The following UTRN variants were observed in gnomAD, a reference collection of about 807,000 sequenced individuals.
UTRN encodes the protein dystrophin-related protein 1.
Under a neutral mutation model 463.9 loss-of-function variants are expected in UTRN, and 283 were observed. The ratio of observed to expected loss-of-function variants is 0.61; its 90% CI spans 0.55 to 0.67. UTRN has a LOEUF of 0.67. Ranked by LOEUF, UTRN falls within the 30% of genes least tolerant of loss-of-function variation. UTRN has a pLI of 0.00. For synonymous variants in UTRN, 1,442 were observed against 1,431.5 expected, an observed-to-expected ratio of 1.01 and a Z score of -0.17; for missense variants, 3,922 against 4,084.3, an observed-to-expected ratio of 0.96 and a Z score of 1.08.
At chr6:144,674,803 C>T (rs1204660031) in intron 51 of UTRN, among the ~76,000 whole-genome samples, 1 of 152,218 alleles carries the variant, frequency 6.6e-6, no homozygotes, top group Non-Finnish European at 1.5e-5. Context: ...AAGTGACCCT[C>T]CTGCCTTGGC....
rs560581181 is a variant in UTRN at position 144,347,837 on chromosome 6, G to GTTTTTTTTTTT, written c.80-55284_80-55274dup. Among the ~76,000 whole-genome samples, 206 of 128,864 alleles carry GTTTTTTTTTTT rather than the reference G, an allele frequency of 1.6e-3. 26 individuals are homozygous for GTTTTTTTTTTT. The highest frequency in any genetic ancestry group is 6.4e-3 in the African/African-American group (187 of 29,436). The allele number at this position is 128,864 out of a possible 152,430, so 84.5% of individuals were successfully genotyped here. A position where few individuals can be genotyped will look rare whatever the true frequency, so the allele number is the denominator to read the frequency against. The stretch of plus-strand genomic sequence containing the variant: ...TCTCCTGAACTGTGGCTTATTCTTT[G>GTTTTTTTTTTT]TTTTTTTTTTTTGTTTTTTTTTTTG... On this transcript the variant is annotated intron_variant, in intron 2 of 74. Transcript: ENST00000367545.
chr6:144,819,608 G>A (rs925089599), intron 65 of UTRN, among the ~76,000 whole-genome samples: 10 of 152,170 alleles, frequency 6.6e-5, no homozygotes, highest in African/African-American at 1.7e-4. Context: ...CACGAGAATC[G>A]GCTGAACTTG....
chr6:144,321,592 C>T (rs1775653621), intron 2 of UTRN, among the ~76,000 whole-genome samples: 1 of 151,206 alleles, frequency 6.6e-6, no homozygotes, highest in Non-Finnish European at 1.5e-5. Flanking sequence ...GCCTCAGCCT[C>T]CTGAGTAGCT....
chr6:144,727,555 G>C lies in UTRN; in HGVS notation c.7810-2802G>C, dbSNP rs530809629. Among the ~76,000 whole-genome samples the C allele has an allele frequency of 3.9e-5, 6 of 151,912 alleles. No homozygotes were observed. In the South Asian group the frequency reaches 1.0e-3, roughly 26 times the overall value. On this transcript the variant is annotated intron_variant, in intron 53 of 74. Transcript: ENST00000367545. ...GGGCGGATCACAAGGTCAGGAGATC[G>C]AGACCATCCTGGCTAACACAGTGAA... is the stretch of plus-strand genomic sequence containing the variant.
chr6:144,816,135 A>G (rs567086046), intron 65 of UTRN, among the ~76,000 whole-genome samples: 1 of 152,326 alleles, frequency 6.6e-6, no homozygotes, highest in African/African-American at 2.4e-5. Context: ...GCTGTACCAA[A>G]AATAGACATT....
intron 61 of UTRN, among the ~76,000 whole-genome samples, chr6:144,782,610 G>A (rs1775934865): frequency 6.9e-6 from 1 of 144,044 alleles, no homozygotes; most frequent in African/African-American, 2.6e-5. Flanking sequence ...TATTTGCATA[G>A]TGGTTATGTG....
At chr6:144,813,163 ATTTT>A (rs1778772285) in intron 65 of UTRN, among the ~76,000 whole-genome samples, 1 of 148,254 alleles carries the variant, frequency 6.7e-6, no homozygotes, top group Non-Finnish European at 1.5e-5. Flanking sequence ...TTGTTGTTTT[ATTTT>A]TTTATTTTTA....
At chr6:144,835,463 T>C (rs1164520328) in intron 69 of UTRN, among the ~76,000 whole-genome samples, 1 of 152,220 alleles carries the variant, frequency 6.6e-6, no homozygotes, top group East Asian at 1.9e-4. Context: ...GAGTAATTGA[T>C]TTTGTCTACA....
intron 25 of UTRN, among the ~76,000 whole-genome samples, chr6:144,478,919 A>G (rs546065192): frequency 3.9e-5 from 6 of 152,298 alleles, no homozygotes; most frequent in South Asian, 2.1e-4. Flanking sequence ...TCAGACAACT[A>G]TCTATTTTTT....
At chr6:144,565,662 T>C (rs1376875650) in intron 50 of UTRN, among the ~76,000 whole-genome samples, 2 of 152,140 alleles carry the variant, frequency 1.3e-5, no homozygotes, top group East Asian at 1.9e-4. Context: ...GAAAGAATGA[T>C]CTACTGGATT....
intron 2 of UTRN, among the ~76,000 whole-genome samples, chr6:144,401,415 T>C (rs540626273): frequency 4.6e-5 from 7 of 152,302 alleles, no homozygotes; most frequent in African/African-American, 1.4e-4. Context: ...CTCTTTGATA[T>C]GAAGATGGTA....
intron 54 of UTRN, among the ~76,000 whole-genome samples, chr6:144,732,233 TATATAC>T (rs1367177401): frequency 1.7e-4 from 5 of 29,938 alleles, no homozygotes; most frequent in Admixed American, 1.3e-3. Flanking sequence ...TATATATATA[TATATAC>T]ATATATATAT....
chr6:144,494,662 T>TA (rs1164338513), intron 33 of UTRN, among the ~76,000 whole-genome samples: 2 of 152,154 alleles, frequency 1.3e-5, no homozygotes, highest in African/African-American at 4.8e-5. Flanking sequence ...ATCCCTGAGC[T>TA]AGACACAAAG....
chr6:144,791,188 T>C (rs887524042), intron 62 of UTRN, among the ~76,000 whole-genome samples: 9 of 152,228 alleles, frequency 5.9e-5, no homozygotes, highest in African/African-American at 2.2e-4. Context: ...TTATTAGAAT[T>C]AATATTCAAG....
chr6:144,756,965 G>T (rs534708027), intron 57 of UTRN, among the ~76,000 whole-genome samples: 2 of 151,942 alleles, frequency 1.3e-5, no homozygotes, highest in Non-Finnish European at 1.5e-5. Context: ...GAAAATGCTT[G>T]GCAAAGTTTA....
At chr6:144,362,429 A>G (rs767711650) in intron 2 of UTRN, among the ~76,000 whole-genome samples, 20 of 152,214 alleles carry the variant, frequency 1.3e-4, no homozygotes, top group Non-Finnish European at 2.5e-4. Flanking sequence ...AAAATTTTGA[A>G]TGTATTTTCT....
chr6:144,830,773 G>T (rs968385342), intron 69 of UTRN, among the ~76,000 whole-genome samples: 7 of 151,092 alleles, frequency 4.6e-5, no homozygotes, highest in Admixed American at 2.0e-4. Flanking sequence ...ATTAGTGTTA[G>T]TGTATTTAAT....
chr6:144,737,558 T>C (rs1303458645), intron 54 of UTRN, among the ~76,000 whole-genome samples: 1 of 152,198 alleles, frequency 6.6e-6, no homozygotes, highest in Non-Finnish European at 1.5e-5. Flanking sequence ...GTAAATTTTC[T>C]TCCAAAATGG....
chr6:144,732,249 T>TATATACAC (rs1562832628), intron 54 of UTRN, among the ~76,000 whole-genome samples: 1 of 116,856 alleles, frequency 8.6e-6, no homozygotes, highest in African/African-American at 4.1e-5. Context: ...CATATATATA[T>TATATACAC]ATATATATAC....
Sources: gnomAD v4.1 joint callset for allele counts (sites outside exome capture counted in the v4.1 genomes callset) on GRCh38, gnomAD v4.1.1 for gene constraint, MANE v1.5 for transcripts, NCBI Gene and HGNC (gene_info 2026-07-23, HGNC 2026-07-21) for gene names.